The following DOCK8 variants were observed in gnomAD, a reference collection of about 807,000 sequenced individuals.
The protein encoded by DOCK8 is dedicator of cytokinesis 8.
DOCK8 carries 141 observed loss-of-function variants against 245.6 expected under a neutral mutation model. The observed-to-expected ratio is 0.57, with a 90% confidence interval of 0.50 to 0.66. DOCK8 has a LOEUF of 0.66. DOCK8 is among the 30% of genes least tolerant of loss of function. DOCK8 has a pLI of 0.00. For synonymous variants in DOCK8, 1,168 were observed against 970.2 expected (o/e 1.20, Z -3.79); for missense variants, 2,965 against 2,603.4 (o/e 1.14, Z -3.02).
At position 225,240 on chromosome 9, in the gene DOCK8, A is replaced by T. The variant is rs60902010; in HGVS notation, c.53+10211A>T. The stretch of plus-strand genomic sequence containing the variant: ...ACAGTGTTTGATTGTGTGGCTGGGG[A>T]GGGGTAAGGACAAAAACTCAGAGAG... On this transcript the variant is annotated intron_variant, in intron 1 of 47. Transcript: ENST00000432829. Among the ~76,000 whole-genome samples the T allele has an allele frequency of 4.6e-3, 697 of 152,178 alleles. 8 individuals are homozygous for T. Among genetic ancestry groups the T allele is most frequent in the African/African-American group, 0.015 (635 of 41,514 alleles).
Position 464,173 on chromosome 9 carries a change from G to T in DOCK8, c.6254G>T (p.Arg2085Ile). ...VESQKRDSFH[R>I]SSFRKCETQL... ...CTTAATTTCAGGGACTCCTTCCACA[G>T]ATCTAGTTTCAGGAAATGTGAAACC... Residue 2085 changes from arginine to isoleucine, a missense_variant, in exon 48 of 48, where the codon AGA (arginine) becomes ATA (isoleucine). This residue lies in a region of DOCK8 where 134 missense variants were observed against 128.1 expected (regional missense o/e 1.05). Transcript: ENST00000432829. 1 of 1,613,758 alleles carries T rather than the reference G, an allele frequency of 6.2e-7. No homozygotes were observed. Among genetic ancestry groups the T allele is most frequent in the Non-Finnish European group, 8.5e-7 (1 of 1,179,676 alleles).
At chr9:322,904 AC>A (rs963598788) in intron 7 of DOCK8, among the ~76,000 whole-genome samples, 2 of 151,962 alleles carry the variant, frequency 1.3e-5, no homozygotes, top group Non-Finnish European at 2.9e-5. Flanking sequence ...ACCAGCCTGG[AC>A]AACATGGTAA....
At chr9:262,069 A>G (rs1407782668) in intron 1 of DOCK8, among the ~76,000 whole-genome samples, 1 of 151,292 alleles carries the variant, frequency 6.6e-6, no homozygotes, top group East Asian at 1.9e-4. Context: ...AAACATGTAT[A>G]TGTAACCCTA....
At position 464,039 on chromosome 9, in the gene DOCK8, A is replaced by T. The variant is rs183169259; in HGVS notation, c.6240-120A>T. On this transcript the variant is annotated intron_variant, in intron 47 of 47. Coordinates refer to ENST00000432829, the MANE Select transcript of DOCK8 (RefSeq NM_203447.4). ...TCACTTATTATTTGCTGAGTTGTCC[A>T]TGACTGATGTCCATTTCTACTGGGT... 33 of 883,302 alleles carry T rather than the reference A, an allele frequency of 3.7e-5. No individual in the cohort carries two copies. In the Admixed American group the frequency reaches 3.8e-4, roughly 10 times the overall value. 54.7% of individuals were successfully genotyped at this position (883,302 alleles called of 1,614,324 possible).
intron 14 of DOCK8, among the ~76,000 whole-genome samples, chr9:346,267 C>G (rs1404354215): frequency 6.6e-6 from 1 of 152,166 alleles, no homozygotes; most frequent in Non-Finnish European, 1.5e-5. Context: ...AACACATTTG[C>G]ACCAACTCCT....
At position 240,140 on chromosome 9, in the gene DOCK8, A is replaced by G. The variant is rs550160311; in HGVS notation, c.53+25111A>G. On this transcript the variant is annotated intron_variant, in intron 1 of 47. Coordinates refer to ENST00000432829, the MANE Select transcript of DOCK8 (RefSeq NM_203447.4). ...GTGTGGCATCTGCCTTTAAAAGGTT[A>G]AAGATATTTTTACTTATAACATCCC... is the stretch of plus-strand genomic sequence containing the variant. Among the ~76,000 whole-genome samples, 47 of 152,314 alleles carry G rather than the reference A, an allele frequency of 3.1e-4. No individual in the cohort carries two copies. In the East Asian group the frequency reaches 8.9e-3, roughly 29 times the overall value.
In DOCK8 at chr9:418,893, A is replaced by G. The variant is rs570299675; in HGVS notation, c.3840+686A>G. On this transcript the variant is annotated intron_variant, in intron 30 of 47. Transcript: ENST00000432829. Reference sequence around the variant, plus strand: ...TCATACAGTGTAATGCCTCCAAAAAAAAAGACTGAAGGAGGCTGGTAGCTT... The same window carrying G: ...TCATACAGTGTAATGCCTCCAAAAAGAAAGACTGAAGGAGGCTGGTAGCTT... Among the ~76,000 whole-genome samples, 22 of 152,322 alleles carry G rather than the reference A, an allele frequency of 1.4e-4. No individual in the cohort carries two copies. In the East Asian group the frequency reaches 4.2e-3, roughly 29 times the overall value.
chr9:322,757 A>T (rs899900027), intron 7 of DOCK8, among the ~76,000 whole-genome samples: 4 of 152,176 alleles, frequency 2.6e-5, no homozygotes, highest in African/African-American at 7.2e-5. Context: ...TTAAATATAG[A>T]TTGAGCATGC....
chr9:229,563 G>A (rs925445942), intron 1 of DOCK8, among the ~76,000 whole-genome samples: 2 of 152,136 alleles, frequency 1.3e-5, no homozygotes, highest in African/African-American at 2.4e-5. Context: ...ATTGCCACAT[G>A]TCCCCAAAGG....
In DOCK8 at chr9:376,905, A is replaced by T; in HGVS notation, c.2206-72A>T. 2.2e-6 allele frequency: 3 copies of T among 1,345,242 alleles called. No homozygotes were observed. In the South Asian group the frequency reaches 3.7e-5, roughly 17 times the overall value. The allele number at this position is 1,345,242 out of a possible 1,614,324, so 83.3% of individuals were successfully genotyped here. ...GGTTCTACCCATAAAGAGCTATTCG[A>T]TTGTGTTTGTGAATCCACTGGTGAA... is the stretch of plus-strand genomic sequence containing the variant. On this transcript the variant is annotated intron_variant, in intron 19 of 47. Coordinates refer to ENST00000432829, the MANE Select transcript of DOCK8 (RefSeq NM_203447.4).
rs373810616 is a variant in DOCK8, at chr9:391,821, C to CTTTTTTTTTT, written c.2970+1269_2970+1278dup. On this transcript the variant is annotated intron_variant, in intron 24 of 47. Coordinates refer to ENST00000432829, the MANE Select transcript of DOCK8 (RefSeq NM_203447.4). ...CTTTCCCCTGTCCCATTAAGTGAAT[C>CTTTTTTTTTT]TTTTTTTTTTTTTTTTTTTTTTTAA... is the stretch of plus-strand genomic sequence containing the variant. 3.1e-3 allele frequency among the ~76,000 whole-genome samples: 357 copies of CTTTTTTTTTT among 116,244 alleles called. 6 individuals are homozygous for CTTTTTTTTTT. Among genetic ancestry groups the CTTTTTTTTTT allele is most frequent in the African/African-American group, 0.011 (341 of 32,188 alleles). The allele number at this position is 116,244 out of a possible 152,430, so 76.3% of individuals were successfully genotyped here.
At chr9:337,919 C>T (rs1187062569) in intron 12 of DOCK8, among the ~76,000 whole-genome samples, 1 of 152,038 alleles carries the variant, frequency 6.6e-6, no homozygotes, top group Non-Finnish European at 1.5e-5. Flanking sequence ...ACTGGGAGGC[C>T]GAGGCAGGTG....
Position 396,896 on chromosome 9 carries a change from A to C in DOCK8, c.3082A>C (p.Thr1028Pro). ...DDITTIVNVV[T>P]SEIAALLVKP... The stretch of plus-strand genomic sequence containing the variant: ...CATAACTACTATTGTTAATGTGGTC[A>C]CCTCGGAAATTGCAGCCCTTTTAGT... Residue 1028 changes from threonine (T) to proline (P), a missense_variant, in exon 25 of 48, where the codon ACC becomes CCC. Transcript: ENST00000432829. 1 of 1,614,078 alleles carries C rather than the reference A, an allele frequency of 6.2e-7. No individual in the cohort carries two copies. The highest frequency in any genetic ancestry group is 1.3e-5 in the African/African-American group (1 of 75,022).
chr9:300,549 CA>C (rs1465947880), intron 4 of DOCK8, among the ~76,000 whole-genome samples: 1 of 150,104 alleles, frequency 6.7e-6, no homozygotes, highest in Non-Finnish European at 1.5e-5. Flanking sequence ...TCAATGAAAC[CA>C]AAAGTTTGTG....
At chr9:331,800 C>T (rs541962546) in intron 9 of DOCK8, among the ~76,000 whole-genome samples, 1 of 152,294 alleles carries the variant, frequency 6.6e-6, no homozygotes, top group East Asian at 1.9e-4. Flanking sequence ...AGCTGCACAT[C>T]CCAATGCTTT....
At chr9:396,093 A>G (rs1464180166) in intron 24 of DOCK8, among the ~76,000 whole-genome samples, 2 of 152,088 alleles carry the variant, frequency 1.3e-5, no homozygotes. Context: ...TGTCTGCATT[A>G]TGTAACTAAA....
In DOCK8 at chr9:334,355, G is replaced by C. The variant is rs913329556; in HGVS notation, c.1256G>C (p.Arg419Thr). The C allele has an allele frequency of 1.2e-6, 2 of 1,613,968 alleles. No individual in the cohort carries two copies. The highest frequency in any genetic ancestry group is 8.5e-7 in the Non-Finnish European group (1 of 1,179,972). Residue 419 changes from arginine (R) to threonine (T), a missense_variant, in exon 11 of 48, where the codon AGG becomes ACG. Arg to Thr is a moderately conservative substitution (Grantham distance 71). Coordinates refer to ENST00000432829, the MANE Select transcript of DOCK8 (RefSeq NM_203447.4). Reference protein sequence around the residue: ...SSFFNVSTLEREVTDVDSVVG... With the variant: ...SSFFNVSTLETEVTDVDSVVG... ...TTCTTCAATGTCTCCACCCTTGAGAGGGAGGTAACTGATGTGGACTCTGTG... is the reference window on the plus strand; with the variant it reads ...TTCTTCAATGTCTCCACCCTTGAGACGGAGGTAACTGATGTGGACTCTGTG...
At chr9:312,235 T>G (rs2050154762) in intron 6 of DOCK8, 69 bp downstream of exon 6, 1 of 1,554,002 alleles carries the variant, frequency 6.4e-7, no homozygotes, top group East Asian at 2.3e-5. Flanking sequence ...ACAATTGTGT[T>G]GTTCATTATT....
At chr9:305,855 C>T (rs1222227876) in intron 5 of DOCK8, among the ~76,000 whole-genome samples, 1 of 151,846 alleles carries the variant, frequency 6.6e-6, no homozygotes, top group Non-Finnish European at 1.5e-5. Context: ...TTATTCACAG[C>T]AGCCAAAAAG....
Sources: gnomAD v4.1 joint callset for allele counts (sites outside exome capture counted in the v4.1 genomes callset) on GRCh38, gnomAD v4.1.1 for gene constraint, gnomAD v4.1.1 regional missense constraint, MANE v1.5 for transcripts, NCBI Gene and HGNC (gene_info 2026-07-23, HGNC 2026-07-21) for gene names.